Variants in RALGAPA2 observed in about 807,000 individuals in gnomAD.
RALGAPA2 encodes the protein Ral GTPase activating protein catalytic subunit alpha 2, also known as ral GTPase-activating protein subunit alpha-2.
Under a neutral mutation model 230.4 loss-of-function variants are expected in RALGAPA2, and 139 were observed. That is an observed-to-expected ratio of 0.60 (90% CI 0.53 to 0.69). The LOEUF is 0.69. Among genes scored for constraint, RALGAPA2 ranks in the 30% least tolerant of loss-of-function variants. RALGAPA2 has a pLI of 0.00. For missense variants in RALGAPA2, 2,163 were observed against 2,276.0 expected, an observed-to-expected ratio of 0.95 and a Z score of 1.01; for synonymous variants, 847 against 837.8, an observed-to-expected ratio of 1.01 and a Z score of -0.19.
chr20:20,413,066 G>T (rs143469616), intron 37 of RALGAPA2, among the ~76,000 whole-genome samples: 1 of 152,168 alleles, frequency 6.6e-6, no homozygotes, highest in Non-Finnish European at 1.5e-5. Flanking sequence ...TCCGCATGAC[G>T]TCTCATTTTC....
chr20:20,540,745 TC>T (rs2063620969), intron 24 of RALGAPA2, among the ~76,000 whole-genome samples: 1 of 152,108 alleles, frequency 6.6e-6, no homozygotes, highest in African/African-American at 2.4e-5. Flanking sequence ...TTGTGTTGAT[TC>T]TTTTTTTCCA....
At chr20:20,397,102 C>T (rs1271003396) in intron 38 of RALGAPA2, among the ~76,000 whole-genome samples, 1 of 152,132 alleles carries the variant, frequency 6.6e-6, no homozygotes, top group Admixed American at 6.5e-5. Flanking sequence ...GTTTAAAATA[C>T]AAAGATAAAA....
chr20:20,602,813 C>A lies in RALGAPA2; in HGVS notation c.2039-967G>T, dbSNP rs1048922658. On this transcript the variant is annotated intron_variant, in intron 15 of 39. Transcript: ENST00000202677. ...GAAGAGAATCTTGCAGAATGGCAGG[C>A]GTGTGTGTGTGTGTGTGTGTGTGTG... Among the ~76,000 whole-genome samples, 9 of 147,786 alleles carry A rather than the reference C, an allele frequency of 6.1e-5. 1 individual carries two copies. The East Asian group carries it at 1.8e-3, about 29-fold the overall frequency.
Position 20,571,551 on chromosome 20 carries a change from G to A in RALGAPA2, c.3063C>T (p.Ala1021=). The change falls in exon 23 of 40, where the codon GCC becomes GCT. Residue 1021 remains alanine, a synonymous_variant. Coordinates refer to ENST00000202677, the MANE Select transcript of RALGAPA2 (RefSeq NM_020343.4). ...GKLQAYRLIC[A]MMTRRQDVLP... ...GAACGTCCTGGCGTCTGGTCATCAT[G>A]GCACAGATCAGCCTGTAGGCTTGTA... The A allele has an allele frequency of 6.2e-7, 1 of 1,612,486 alleles. No individual in the cohort carries two copies. Among genetic ancestry groups the A allele is most frequent in the Non-Finnish European group, 8.5e-7 (1 of 1,179,264 alleles).
chr20:20,579,492 A>G (rs2064919889), intron 20 of RALGAPA2, among the ~76,000 whole-genome samples: 1 of 152,198 alleles, frequency 6.6e-6, no homozygotes, highest in Non-Finnish European at 1.5e-5. Flanking sequence ...GCTAACAAGA[A>G]CATGGAAAGA....
intron 10 of RALGAPA2, among the ~76,000 whole-genome samples, chr20:20,626,149 T>C (rs2066484136): frequency 6.6e-6 from 1 of 152,212 alleles, no homozygotes; most frequent in South Asian, 2.1e-4. Flanking sequence ...ATAATAACCG[T>C]TAGGCTTAAA....
chr20:20,620,748 T>C, intron 10 of RALGAPA2, 118 bp from the exon 11 acceptor site: 1 of 847,960 alleles, frequency 1.2e-6, no homozygotes, highest in Non-Finnish European at 1.7e-6. Context: ...ACACACAGCT[T>C]ATAAATATAC....
intron 1 of RALGAPA2, among the ~76,000 whole-genome samples, chr20:20,697,028 A>T (rs1421051114): frequency 6.6e-6 from 1 of 152,114 alleles, no homozygotes; most frequent in East Asian, 1.9e-4. Context: ...GAGCCACTGC[A>T]CCCAGCCTGT....
chr20:20,507,100 T>C (rs542963385), intron 33 of RALGAPA2, among the ~76,000 whole-genome samples: 1 of 152,352 alleles, frequency 6.6e-6, no homozygotes, highest in South Asian at 2.1e-4. Context: ...ACTTAAAATA[T>C]TTGTGAACAC....
At chr20:20,568,016 G>T (rs1453183523) in intron 23 of RALGAPA2, among the ~76,000 whole-genome samples, 1 of 152,078 alleles carries the variant, frequency 6.6e-6, no homozygotes, top group East Asian at 1.9e-4. Flanking sequence ...GAGTGCTGAA[G>T]AAATAAATAC....
In RALGAPA2 at chr20:20,551,150, C is replaced by T. The variant is rs2328553; in HGVS notation, c.3157-4318G>A. On this transcript the variant is annotated intron_variant, in intron 23 of 39. Transcript: ENST00000202677. ...TTATCATTTTAGATTTTCTAGGATT[C>T]ATTTTTCTAAGGAGTTCTAGAACTT... Among the ~76,000 whole-genome samples, 97 of 152,312 alleles carry T rather than the reference C, an allele frequency of 6.4e-4. 3 individuals are homozygous for T. In the East Asian group the frequency reaches 0.018, roughly 29 times the overall value.
chr20:20,512,081 G>A (rs1052585044), intron 32 of RALGAPA2, among the ~76,000 whole-genome samples: 11 of 151,972 alleles, frequency 7.2e-5, no homozygotes, highest in African/African-American at 1.9e-4. Flanking sequence ...CCAGCTACTC[G>A]GGAGGATGAG....
chr20:20,399,042 T>A (rs1192799078), intron 38 of RALGAPA2, among the ~76,000 whole-genome samples: 1 of 152,100 alleles, frequency 6.6e-6, no homozygotes, highest in Non-Finnish European at 1.5e-5. Flanking sequence ...GGTGGGGTGA[T>A]AATGGATAAA....
chr20:20,439,259 C>T (rs2060682618), intron 37 of RALGAPA2, among the ~76,000 whole-genome samples: 1 of 151,664 alleles, frequency 6.6e-6, no homozygotes, highest in Admixed American at 6.6e-5. Context: ...TTCACCCAGG[C>T]TGGGGTGCAG....
rs1283990954 is a variant in RALGAPA2, at chr20:20,531,679, G to A, written c.3582+8C>T. 1 of 1,582,698 alleles carries A rather than the reference G, an allele frequency of 6.3e-7. No individual in the cohort carries two copies. The highest frequency in any genetic ancestry group is 8.6e-7 in the Non-Finnish European group (1 of 1,158,508). On this transcript the variant is annotated splice_region_variant and intron_variant, in intron 27 of 39. Coordinates refer to ENST00000202677, the MANE Select transcript of RALGAPA2 (RefSeq NM_020343.4). ...TAATATCCAATCAGCACCACAAACT[G>A]GTAATACCTTCAGAGTTACTCCTAT...
intron 1 of RALGAPA2, among the ~76,000 whole-genome samples, chr20:20,709,899 T>G (rs982607701): frequency 2.0e-5 from 3 of 152,214 alleles, no homozygotes; most frequent in African/African-American, 7.2e-5. Flanking sequence ...AAAAATTACC[T>G]ATCAAAATAC....
In RALGAPA2 at chr20:20,488,384, C is replaced by A. The variant is rs193115084; in HGVS notation, c.5367+6733G>T. ...TATTTAACTCTCAGATTTGCCCACA[C>A]TAAGCCTCCTGCAATTGGTGAATTA... On this transcript the variant is annotated intron_variant, in intron 36 of 39. Transcript: ENST00000202677. Among the ~76,000 whole-genome samples the A allele has an allele frequency of 2.5e-4, 38 of 152,322 alleles. 1 individual carries two copies. Among genetic ancestry groups the A allele is most frequent in the Admixed American group, 2.5e-3 (38 of 15,308 alleles).
At chr20:20,565,336 T>C (rs1006766581) in intron 23 of RALGAPA2, among the ~76,000 whole-genome samples, 2 of 152,180 alleles carry the variant, frequency 1.3e-5, no homozygotes, top group African/African-American at 4.8e-5. Flanking sequence ...AACAATTCTT[T>C]GTCTGAGAAA....
chr20:20,636,726 TAGGGAG>T (rs2066874176), intron 8 of RALGAPA2, among the ~76,000 whole-genome samples: 1 of 152,148 alleles, frequency 6.6e-6, no homozygotes, highest in Non-Finnish European at 1.5e-5. Flanking sequence ...TTTTAAATAA[TAGGGAG>T]AGGAAGATTT....
Sources: gnomAD v4.1 joint callset for allele counts (sites outside exome capture counted in the v4.1 genomes callset) on GRCh38, gnomAD v4.1.1 for gene constraint, MANE v1.5 for transcripts, NCBI Gene and HGNC (gene_info 2026-07-23, HGNC 2026-07-21) for gene names.